The following CACNB2 variants were observed in gnomAD, a reference collection of about 807,000 sequenced individuals.
CACNB2 encodes voltage-dependent L-type calcium channel subunit beta-2.
Under a neutral mutation model 73.3 loss-of-function variants are expected in CACNB2, and 42 were observed. That is an observed-to-expected ratio of 0.57 (90% CI 0.45 to 0.74). CACNB2 has a LOEUF of 0.74. Among genes scored for constraint, CACNB2 ranks in the 30% least tolerant of loss-of-function variants. The probability of loss-of-function intolerance (pLI) is 0.00; values close to 1 mark genes in which losing one functional copy is unlikely to be tolerated. For synonymous variants in CACNB2, 348 were observed against 310.3 expected (o/e 1.12, Z -1.28); for missense variants, 940 against 853.0 (o/e 1.10, Z -1.27).
intron 3 of CACNB2, among the ~76,000 whole-genome samples, chr10:18,475,337 G>T (rs779500424): frequency 1.2e-4 from 19 of 152,240 alleles, no homozygotes; most frequent in South Asian, 1.0e-3. Flanking sequence ...GGGGCGGAAA[G>T]TTCAAACACT....
At chr10:18,459,696 T>C (rs1277941065) in intron 3 of CACNB2, among the ~76,000 whole-genome samples, 2 of 152,228 alleles carry the variant, frequency 1.3e-5, no homozygotes, top group African/African-American at 4.8e-5. Flanking sequence ...CAGTTCTTAC[T>C]CTCCAGCTGT....
At chr10:18,145,208 T>C (rs2030841287) in intron 1 of CACNB2, among the ~76,000 whole-genome samples, 2 of 152,252 alleles carry the variant, frequency 1.3e-5, no homozygotes, top group Non-Finnish European at 2.9e-5. Flanking sequence ...CCTGAATGGC[T>C]GTAGCAAGGA....
At chr10:18,311,960 A>G (rs966934017) in intron 2 of CACNB2, among the ~76,000 whole-genome samples, 2 of 152,162 alleles carry the variant, frequency 1.3e-5, no homozygotes, top group African/African-American at 2.4e-5. Context: ...TTCTTCTCCA[A>G]TGATAGTCCC....
intron 5 of CACNB2, among the ~76,000 whole-genome samples, chr10:18,501,816 C>T (rs932076601): frequency 1.1e-4 from 17 of 151,948 alleles, no homozygotes; most frequent in African/African-American, 4.1e-4. Context: ...ATGAGTGAAA[C>T]AGAATATGCT....
chr10:18,265,860 G>C (rs2037774962), intron 2 of CACNB2, among the ~76,000 whole-genome samples: 1 of 152,168 alleles, frequency 6.6e-6, no homozygotes, highest in African/African-American at 2.4e-5. Context: ...GGAGTTTGCT[G>C]TCTACTTGGT....
At chr10:18,186,288 G>A (rs1379016770) in intron 2 of CACNB2, among the ~76,000 whole-genome samples, 1 of 151,992 alleles carries the variant, frequency 6.6e-6, no homozygotes, top group Non-Finnish European at 1.5e-5. Flanking sequence ...GCGTGGTGGT[G>A]CATGCCTGTA....
intron 3 of CACNB2, among the ~76,000 whole-genome samples, chr10:18,475,829 T>C (rs1473971750): frequency 6.6e-6 from 1 of 152,160 alleles, no homozygotes; most frequent in African/African-American, 2.4e-5. Flanking sequence ...GGAACTGGGC[T>C]TGAAATGGTT....
chr10:18,504,409 T>G (rs377212204), intron 5 of CACNB2, among the ~76,000 whole-genome samples: 13 of 144,414 alleles, frequency 9.0e-5, no homozygotes, highest in South Asian at 7.0e-4. Flanking sequence ...TATTATTTAC[T>G]TTATTAGATA....
chr10:18,356,946 T>TTTTTTTTC (rs2041939898), intron 2 of CACNB2, among the ~76,000 whole-genome samples: 1 of 88,244 alleles, frequency 1.1e-5, no homozygotes, highest in Non-Finnish European at 2.7e-5. Flanking sequence ...CAATTTCTTT[T>TTTTTTTTC]TTTTTTTTTT....
intron 2 of CACNB2, among the ~76,000 whole-genome samples, chr10:18,358,947 C>T (rs1178493266): frequency 1.3e-5 from 2 of 152,018 alleles, no homozygotes; most frequent in South Asian, 2.1e-4. Flanking sequence ...CTTTACATGG[C>T]GTTTTTCTCT....
chr10:18,194,844 A>G (rs909027420), intron 2 of CACNB2, among the ~76,000 whole-genome samples: 4 of 152,238 alleles, frequency 2.6e-5, no homozygotes, highest in African/African-American at 4.8e-5. Flanking sequence ...GTCATGTGAC[A>G]TGGAATACAG....
chr10:18,391,390 G>A (rs989469219), intron 2 of CACNB2, among the ~76,000 whole-genome samples: 47 of 152,158 alleles, frequency 3.1e-4, no homozygotes, highest in African/African-American at 1.1e-3. Context: ...GAGCTTTCTT[G>A]TAAATTGGGA....
intron 9 of CACNB2, among the ~76,000 whole-genome samples, chr10:18,521,570 A>C (rs1161154263): frequency 6.6e-6 from 1 of 152,130 alleles, no homozygotes; most frequent in Admixed American, 6.5e-5. Flanking sequence ...TATTGAGTAT[A>C]TTCTATGTGC....
chr10:18,299,927 A>G (rs916818594), intron 2 of CACNB2, among the ~76,000 whole-genome samples: 1 of 152,160 alleles, frequency 6.6e-6, no homozygotes, highest in African/African-American at 2.4e-5. Flanking sequence ...GGCCTTCAGG[A>G]ACATCTATAG....
At chr10:18,272,187 C>T (rs1429860353) in intron 2 of CACNB2, among the ~76,000 whole-genome samples, 4 of 152,010 alleles carry the variant, frequency 2.6e-5, no homozygotes, top group African/African-American at 7.3e-5. Context: ...GATAGCTATT[C>T]GAAAGAGTGG....
At chr10:18,317,253 T>G (rs1388142035) in intron 2 of CACNB2, among the ~76,000 whole-genome samples, 1 of 152,148 alleles carries the variant, frequency 6.6e-6, no homozygotes, top group Non-Finnish European at 1.5e-5. Flanking sequence ...TAAATCTTTT[T>G]TAAAAGTTTA....
intron 2 of CACNB2, among the ~76,000 whole-genome samples, chr10:18,298,183 A>G (rs141173628): frequency 0.026 from 3,976 of 152,218 alleles, 180 homozygotes; most frequent in African/African-American, 0.088. Context: ...AGCCTGGCCA[A>G]TGTGGCAAAA....
chr10:18,446,558 G>A (rs1269922108), intron 3 of CACNB2, among the ~76,000 whole-genome samples: 1 of 152,126 alleles, frequency 6.6e-6, no homozygotes, highest in East Asian at 1.9e-4. Flanking sequence ...GATAAAGGGA[G>A]TGCTTTCTAA....
chr10:18,360,979 T>C (rs1294034376), intron 2 of CACNB2, among the ~76,000 whole-genome samples: 1 of 152,204 alleles, frequency 6.6e-6, no homozygotes, highest in African/African-American at 2.4e-5. Flanking sequence ...CTTTCTTTTC[T>C]GTTCATTGTT....
Sources: allele counts gnomAD v4.1 joint callset (sites outside exome capture counted in the v4.1 genomes callset), GRCh38; gene constraint gnomAD v4.1.1; transcripts MANE v1.5; gene names NCBI Gene and HGNC (gene_info 2026-07-23, HGNC 2026-07-21).